The following BCKDHB variants were observed in gnomAD, a reference collection of about 807,000 sequenced individuals.
The protein encoded by BCKDHB is branched chain keto acid dehydrogenase E1 subunit beta.
A neutral mutation model predicts 48.5 loss-of-function variants in BCKDHB; 41 were observed. The observed-to-expected ratio is 0.85, with a 90% CI of 0.66 to 1.10. BCKDHB has a LOEUF of 1.10. Among genes scored for constraint, BCKDHB ranks in the 50% least tolerant of loss-of-function variants. The pLI is 0.00. For synonymous variants in BCKDHB, 201 were observed against 174.8 expected, an observed-to-expected ratio of 1.15 and a Z score of -1.18; for missense variants, 496 against 494.2, an observed-to-expected ratio of 1.00 and a Z score of -0.03.
At chr6:80,403,601 A>G in the BCKDHB span, among the ~76,000 whole-genome samples, 1 of 151,864 alleles carries the variant, frequency 6.6e-6, no homozygotes, top group East Asian at 1.9e-4. Context: ...TCTGACTAAA[A>G]CTTCCAGTAC....
the BCKDHB span, among the ~76,000 whole-genome samples, chr6:80,412,968 A>G: frequency 6.6e-6 from 1 of 152,152 alleles, no homozygotes; most frequent in South Asian, 2.1e-4. Context: ...TTTGATTATA[A>G]TGTGACTCAG....
At chr6:80,303,563 T>C (rs955100759) in intron 9 of BCKDHB, among the ~76,000 whole-genome samples, 11 of 152,020 alleles carry the variant, frequency 7.2e-5, no homozygotes, top group African/African-American at 2.4e-4. Flanking sequence ...ACAATTGAAA[T>C]TGAGCATTTG....
the BCKDHB span, among the ~76,000 whole-genome samples, chr6:80,351,564 A>C: frequency 6.6e-6 from 1 of 152,058 alleles, no homozygotes; most frequent in East Asian, 1.9e-4. Context: ...TGACTGGTGA[A>C]GGAATAGGTG....
chr6:80,268,420 C>G (rs1037186222), intron 8 of BCKDHB, among the ~76,000 whole-genome samples: 5 of 152,014 alleles, frequency 3.3e-5, no homozygotes, highest in Non-Finnish European at 7.4e-5. Context: ...CTGATACAGA[C>G]CAGCTTTGGT....
At chr6:80,119,156 A>G (rs1278341191) in intron 1 of BCKDHB, among the ~76,000 whole-genome samples, 1 of 152,156 alleles carries the variant, frequency 6.6e-6, no homozygotes, top group Non-Finnish European at 1.5e-5. Flanking sequence ...CAGGCATGCT[A>G]GCGCATGCCT....
intron 3 of BCKDHB, among the ~76,000 whole-genome samples, chr6:80,141,039 G>A (rs1771178799): frequency 6.6e-6 from 1 of 152,160 alleles, no homozygotes; most frequent in South Asian, 2.1e-4. Flanking sequence ...TTGGGAGAGT[G>A]TACGTGTCCA....
chr6:80,418,737 G>C, the BCKDHB span, among the ~76,000 whole-genome samples: 27 of 152,186 alleles, frequency 1.8e-4, no homozygotes, highest in Non-Finnish European at 1.5e-5. Flanking sequence ...GTGCTTCATA[G>C]TGTGGTGACA....
chr6:80,386,719 G>A, the BCKDHB span, among the ~76,000 whole-genome samples: 1 of 143,888 alleles, frequency 6.9e-6, no homozygotes, highest in Non-Finnish European at 1.5e-5. Flanking sequence ...GCTCTGGCAG[G>A]CTAATTAATC....
chr6:80,179,587 G>C (rs767483997), intron 6 of BCKDHB, among the ~76,000 whole-genome samples: 1 of 152,066 alleles, frequency 6.6e-6, no homozygotes, highest in Non-Finnish European at 1.5e-5. Flanking sequence ...GTATCTTCAA[G>C]AAGTCCTGAA....
intron 8 of BCKDHB, among the ~76,000 whole-genome samples, chr6:80,227,718 C>T (rs1163227762): frequency 1.3e-5 from 2 of 152,036 alleles, no homozygotes; most frequent in African/African-American, 4.8e-5. Context: ...TAAAGGGAGT[C>T]CTGTGTTTAT....
chr6:80,342,582 AAGG>A (rs1769969742), intron 9 of BCKDHB, among the ~76,000 whole-genome samples: 10 of 135,174 alleles, frequency 7.4e-5, no homozygotes, highest in African/African-American at 2.3e-4. Context: ...AAAAAAAAGA[AAGG>A]GAAGAAAGGG....
chr6:80,127,389 C>A, intron 1 of BCKDHB, 158 bp from the exon 2 acceptor site: 1 of 680,058 alleles, frequency 1.5e-6, no homozygotes, highest in African/African-American at 1.8e-5. Context: ...GTCTGTATTG[C>A]TTTTGTATCT....
the BCKDHB span, among the ~76,000 whole-genome samples, chr6:80,397,823 G>A: frequency 6.6e-6 from 1 of 152,126 alleles, no homozygotes; most frequent in Non-Finnish European, 1.5e-5. Context: ...AGTTTGCAGT[G>A]AGCTGAGATC....
intron 6 of BCKDHB, among the ~76,000 whole-genome samples, chr6:80,190,448 G>A (rs1350607744): frequency 1.3e-5 from 2 of 151,960 alleles, no homozygotes; most frequent in South Asian, 2.1e-4. Flanking sequence ...AGCTTGGACC[G>A]CTGAGTGGCC....
intron 8 of BCKDHB, among the ~76,000 whole-genome samples, chr6:80,268,475 T>G (rs1777604864): frequency 1.3e-5 from 2 of 152,190 alleles, no homozygotes; most frequent in South Asian, 4.1e-4. Flanking sequence ...TAGAAAATAT[T>G]AAAAGGGCTA....
At chr6:80,396,122 A>G in the BCKDHB span, among the ~76,000 whole-genome samples, 1 of 152,218 alleles carries the variant, frequency 6.6e-6, no homozygotes, top group Non-Finnish European at 1.5e-5. Context: ...GCTCCCACAC[A>G]GAGTCCCCAC....
At chr6:80,129,089 T>G in intron 2 of BCKDHB, 72 bp from the exon 3 acceptor site, 1 of 1,131,148 alleles carries the variant, frequency 8.8e-7, no homozygotes, top group South Asian at 1.4e-5. Context: ...ACATTTAAAT[T>G]ACTTATTTCT....
intron 6 of BCKDHB, among the ~76,000 whole-genome samples, chr6:80,192,256 A>G (rs1773933570): frequency 6.6e-6 from 1 of 152,060 alleles, no homozygotes; most frequent in Admixed American, 6.6e-5. Flanking sequence ...CTATCTCTGT[A>G]TAATTCTTTT....
chr6:80,385,412 T>A, the BCKDHB span, among the ~76,000 whole-genome samples: 1 of 152,208 alleles, frequency 6.6e-6, no homozygotes, highest in Non-Finnish European at 1.5e-5. Context: ...CCCTGCAACT[T>A]GGAATGCGGA....
Sources: allele counts gnomAD v4.1 joint callset (sites outside exome capture counted in the v4.1 genomes callset), GRCh38; gene constraint gnomAD v4.1.1; transcripts MANE v1.5; gene names NCBI Gene and HGNC (gene_info 2026-07-23, HGNC 2026-07-21).